Variants in MPDZ observed in about 807,000 individuals in gnomAD.
MPDZ encodes the protein multiple PDZ domain crumbs cell polarity complex component.
In MPDZ, 234 loss-of-function variants were observed where a neutral mutation model predicts 239.1. The observed-to-expected ratio is 0.98, with a 90% CI of 0.88 to 1.09. MPDZ has a LOEUF of 1.09. Ranked by LOEUF, MPDZ falls within the 50% of genes least tolerant of loss-of-function variation. MPDZ has a pLI of 0.00. For synonymous variants in MPDZ, 1,048 were observed against 881.3 expected, an observed-to-expected ratio of 1.19 and a Z score of -3.35; for missense variants, 3,175 against 2,510.0, an observed-to-expected ratio of 1.26 and a Z score of -5.66.
chr9:13,247,226 T>C (rs1220926309), intron 3 of MPDZ, among the ~76,000 whole-genome samples: 2 of 152,180 alleles, frequency 1.3e-5, no homozygotes, highest in Non-Finnish European at 2.9e-5. Context: ...TACACATGAT[T>C]ACACATGCAA....
intron 32 of MPDZ, among the ~76,000 whole-genome samples, chr9:13,131,643 A>G (rs1183310604): frequency 6.6e-6 from 1 of 152,190 alleles, no homozygotes; most frequent in Non-Finnish European, 1.5e-5. Context: ...TTTCAGCAAG[A>G]AATTCTGAGA....
At chr9:13,140,803 T>G (rs1947551512) in intron 27 of MPDZ, 1 of 152,140 alleles carries the variant, frequency 6.6e-6, no homozygotes, top group Non-Finnish European at 1.5e-5. Flanking sequence ...CCTTCAAAGC[T>G]TATTAGTGAG....
intron 44 of MPDZ, 91 bp downstream of exon 44, chr9:13,110,545 A>G (rs1038446786): frequency 2.4e-6 from 2 of 846,572 alleles, no homozygotes; most frequent in African/African-American, 3.4e-5. Flanking sequence ...ATAATAGCAG[A>G]AGATTTAATC....
At chr9:13,120,947 T>C (rs1944251269) in intron 38 of MPDZ, among the ~76,000 whole-genome samples, 1 of 152,226 alleles carries the variant, frequency 6.6e-6, no homozygotes, top group Non-Finnish European at 1.5e-5. Flanking sequence ...ATCTGGTAGA[T>C]TCTGAGATCA....
intron 32 of MPDZ, among the ~76,000 whole-genome samples, chr9:13,129,730 A>C (rs576748813): frequency 6.6e-6 from 1 of 152,156 alleles, no homozygotes; most frequent in South Asian, 2.1e-4. Context: ...TTTCTGTTTT[A>C]AAATATTATT....
At position 13,188,961 on chromosome 9, in the gene MPDZ, T is replaced by G. The variant is rs1255473049; in HGVS notation, c.2187A>C (p.Ile729=). ...TGCCGCCAGGCACCAAAGAACGAAT[T>G]ATAATCACAGTGCTTGCTGGATCAA... The part of the protein sequence containing the change: ...DPIDPASTVI[I]IRSLVPGGIA... Residue 729 remains isoleucine, a synonymous_variant, in exon 17 of 47, where the codon ATA becomes ATC. Transcript: ENST00000319217. The G allele has an allele frequency of 3.7e-6, 6 of 1,613,254 alleles. No homozygotes were observed. Among genetic ancestry groups the G allele is most frequent in the Middle Eastern group, 3.3e-4 (2 of 6,052 alleles).
chr9:13,168,645 A>G (rs1444946810), intron 21 of MPDZ, 81 bp from the exon 22 acceptor site: 8 of 1,081,250 alleles, frequency 7.4e-6, no homozygotes, highest in Non-Finnish European at 1.0e-5. Context: ...AATTTCTATG[A>G]TTTATAGATT....
At chr9:13,262,583 A>G (rs568103410) in intron 1 of MPDZ, among the ~76,000 whole-genome samples, 1 of 152,232 alleles carries the variant, frequency 6.6e-6, no homozygotes, top group African/African-American at 2.4e-5. Flanking sequence ...AAAAACAGAA[A>G]TAGAGTCTAT....
At chr9:13,236,253 A>G (rs1384074892) in intron 3 of MPDZ, among the ~76,000 whole-genome samples, 9 of 6,522 alleles carry the variant, frequency 1.4e-3, no homozygotes, top group African/African-American at 2.5e-3. Flanking sequence ...GTGTGTGTAT[A>G]TATATATATA....
At chr9:13,247,916 T>G in intron 2 of MPDZ, 115 bp from the exon 3 acceptor site, 2 of 1,036,426 alleles carry the variant, frequency 1.9e-6, no homozygotes. Context: ...CATAAAATTG[T>G]CTCTTTTAAA....
intron 10 of MPDZ, 127 bp from the exon 11 acceptor site, chr9:13,206,226 A>G: frequency 3.4e-6 from 3 of 886,966 alleles, no homozygotes; most frequent in Non-Finnish European, 5.0e-6. Context: ...TCACCTTATC[A>G]GGGAATTGAC....
chr9:13,246,205 C>T (rs10960979), intron 3 of MPDZ, among the ~76,000 whole-genome samples: 2 of 152,064 alleles, frequency 1.3e-5, no homozygotes, highest in African/African-American at 2.4e-5. Flanking sequence ...CCCAGCACTT[C>T]GGGAGGCCAA....
At chr9:13,119,378 C>T in intron 39 of MPDZ, 124 bp downstream of exon 39, 1 of 1,188,940 alleles carries the variant, frequency 8.4e-7, no homozygotes, top group South Asian at 1.6e-5. Context: ...AGCCATTGCA[C>T]CTGGCCTTGA....
chr9:13,238,301 G>C (rs947624938), intron 3 of MPDZ, among the ~76,000 whole-genome samples: 1 of 152,172 alleles, frequency 6.6e-6, no homozygotes, highest in Admixed American at 6.5e-5. Flanking sequence ...GATGGCAAGA[G>C]CCAAGTGGAA....
chr9:13,119,396 C>T, intron 39 of MPDZ, 106 bp downstream of exon 39: 3 of 1,375,854 alleles, frequency 2.2e-6, no homozygotes, highest in Non-Finnish European at 3.0e-6. Flanking sequence ...TGAGGTGACA[C>T]TTTAAATAAA....
At chr9:13,234,679 T>C (rs1200543556) in intron 3 of MPDZ, among the ~76,000 whole-genome samples, 2 of 152,160 alleles carry the variant, frequency 1.3e-5, no homozygotes, top group Admixed American at 1.3e-4. Flanking sequence ...TTTGGTAAAC[T>C]GTTTAAACTG....
At chr9:13,178,630 T>C (rs1362224159) in intron 19 of MPDZ, among the ~76,000 whole-genome samples, 3 of 152,208 alleles carry the variant, frequency 2.0e-5, no homozygotes, top group Non-Finnish European at 4.4e-5. Context: ...TTAATTGATC[T>C]GGATTCACAG....
chr9:13,137,289 C>A (rs1176683714), intron 29 of MPDZ, among the ~76,000 whole-genome samples: 1 of 152,138 alleles, frequency 6.6e-6, no homozygotes, highest in African/African-American at 2.4e-5. Flanking sequence ...TGTGCCTAAA[C>A]AGCACAGTGC....
intron 24 of MPDZ, among the ~76,000 whole-genome samples, chr9:13,153,421 C>T (rs1949441753): frequency 6.6e-6 from 1 of 152,060 alleles, no homozygotes; most frequent in South Asian, 2.1e-4. Context: ...AACCAACATC[C>T]ACCATCCTTC....
Sources: gnomAD v4.1 joint callset for allele counts (sites outside exome capture counted in the v4.1 genomes callset) on GRCh38, gnomAD v4.1.1 for gene constraint, MANE v1.5 for transcripts, NCBI Gene and HGNC (gene_info 2026-07-23, HGNC 2026-07-21) for gene names.